The following TRPM5 variants were observed in gnomAD, a reference collection of about 807,000 sequenced individuals.
TRPM5 encodes transient receptor potential cation channel subfamily M member 5.
TRPM5 carries 121 observed loss-of-function variants against 124.9 expected under a neutral mutation model. The ratio of observed to expected loss-of-function variants is 0.97; its 90% CI spans 0.84 to 1.13. The LOEUF (loss-of-function observed/expected upper bound fraction) is 1.13. TRPM5 is among the 50% of genes most tolerant of loss of function. TRPM5 has a pLI of 0.00. For missense variants in TRPM5, 1,643 were observed against 1,589.1 expected (o/e 1.03, Z -0.58); for synonymous variants, 781 against 700.5 (o/e 1.11, Z -1.81).
chr11:2,411,806 G>A, intron 16 of TRPM5, 39 bp from the exon 22 acceptor site: 1 of 1,608,402 alleles, frequency 6.2e-7, no homozygotes, highest in Non-Finnish European at 8.5e-7. Flanking sequence ...GGGGCCCAGA[G>A]AGGGGCAGAG....
At chr11:2,414,728 C>T in exon 11 of TRPM5, 2 of 1,541,636 alleles carry the variant, frequency 1.3e-6, no homozygotes, top group East Asian at 2.5e-5. Flanking sequence ...GGGCCAGCCG[C>T]TCGTATTTCG....
At chr11:2,415,816 C>T in intron 8 of TRPM5, 90 bp downstream of exon 13, 1 of 1,002,192 alleles carries the variant, frequency 1.0e-6, no homozygotes, top group Non-Finnish European at 1.5e-6. Context: ...ACGGGCTCAG[C>T]CAAGCAGCCC....
At chr11:2,420,355 G>C (rs776901960) in exon 4 of TRPM5, 32 of 1,612,822 alleles carry the variant, frequency 2.0e-5, no homozygotes, top group Non-Finnish European at 2.5e-5. Context: ...GTGAACAGAG[G>C]GGGCCCTGGC....
the TRPM5 span, among the ~76,000 whole-genome samples, chr11:2,428,556 T>C: frequency 6.8e-6 from 1 of 147,722 alleles, no homozygotes; most frequent in East Asian, 2.0e-4. The surrounding 1 kb of genome is among the most constrained non-coding windows in gnomAD (Gnocchi z 4.0). Flanking sequence ...TGGCGGTGTT[T>C]GTGATGATGG....
chr11:2,406,823 C>T (rs1382338327), intron 20 of TRPM5, 30 bp from the exon 26 acceptor site: 2 of 1,600,378 alleles, frequency 1.2e-6, no homozygotes, highest in Non-Finnish European at 8.5e-7. Context: ...GCCAGCATTA[C>T]TAGAGCATGT....
chr11:2,427,410 G>A (rs911904929), upstream of TRPM5, among the ~76,000 whole-genome samples: 1 of 152,200 alleles, frequency 6.6e-6, no homozygotes, highest in African/African-American at 2.4e-5. Flanking sequence ...TGTGCCTGTG[G>A]GCCCAACTCT....
chr11:2,406,744 T>G (rs1203617035), exon 21 of TRPM5: 1 of 1,613,592 alleles, frequency 6.2e-7, no homozygotes, highest in Admixed American at 1.7e-5. Context: ...CCTTCTGGAC[T>G]GTCTCCCAGG....
chr11:2,411,411 C>G, exon 18 of TRPM5: 1 of 1,612,114 alleles, frequency 6.2e-7, no homozygotes, highest in East Asian at 2.2e-5. Flanking sequence ...GTAGAGCACC[C>G]GGCGGAAGAT....
At chr11:2,428,433 G>A in the TRPM5 span, among the ~76,000 whole-genome samples, 1 of 152,210 alleles carries the variant, frequency 6.6e-6, no homozygotes, top group Non-Finnish European at 1.5e-5. This position sits in a 1 kb window ranked among gnomAD's most constrained non-coding sequence, Gnocchi z 4.0. Flanking sequence ...GGTGGTAACG[G>A]GTGAAGGTGA....
In TRPM5 at chr11:2,420,204, G is replaced by A; in HGVS notation, c.649+18C>T. On this transcript the variant is annotated intron_variant, in intron 4 of 23. Transcript: ENST00000155858. Reference sequence around the variant, plus strand: ...ACTGGGTCCCAAGGCTTCCCTGGGTGGCTGGGGCGGGTCTCACCCCCGTAG... The same window carrying A: ...ACTGGGTCCCAAGGCTTCCCTGGGTAGCTGGGGCGGGTCTCACCCCCGTAG... The A allele has an allele frequency of 6.4e-7, 1 of 1,574,286 alleles. No homozygotes were observed.
At chr11:2,435,805 C>G in the TRPM5 span, among the ~76,000 whole-genome samples, 11 of 152,234 alleles carry the variant, frequency 7.2e-5, no homozygotes, top group Non-Finnish European at 1.6e-4. This position sits in a 1 kb window ranked among gnomAD's most constrained non-coding sequence, Gnocchi z 4.1. Context: ...GTCTGTCCAT[C>G]ACTTCACCCA....
exon 24 of TRPM5, chr11:2,404,693 C>T (rs1277183642): frequency 5.7e-6 from 3 of 525,822 alleles, no homozygotes; most frequent in Non-Finnish European, 6.8e-6. Flanking sequence ...ACGTTTTCTG[C>T]CCGGGGAGTT....
rs1264735094 is a variant in TRPM5, at chr11:2,413,434, C to A, written c.2003+42G>T. 6 of 1,554,290 alleles carry A rather than the reference C, an allele frequency of 3.9e-6. No individual in the cohort carries two copies. In the South Asian group the frequency reaches 7.0e-5, roughly 18 times the overall value. On this transcript the variant is annotated intron_variant, in intron 13 of 23. Transcript: ENST00000155858. ...CCTCCCCGTAGCTCCGGCACTCGCA[C>A]TGCTGCCTGTCCTGGCCGGGCAGCT...
chr11:2,404,232 C>A (rs1292943815), downstream of TRPM5, among the ~76,000 whole-genome samples: 10 of 152,122 alleles, frequency 6.6e-5, no homozygotes, highest in Non-Finnish European at 1.5e-5. Flanking sequence ...GGTGAGTGGG[C>A]AGTTGGGGGG....
chr11:2,411,294 T>A (rs1224256766), intron 18 of TRPM5, 58 bp downstream of exon 23: 2 of 1,479,002 alleles, frequency 1.4e-6, no homozygotes, highest in Non-Finnish European at 1.8e-6. Flanking sequence ...TGCCCAGGGC[T>A]TGTGCACACA....
chr11:2,435,374 C>T, the TRPM5 span, among the ~76,000 whole-genome samples: 1 of 152,006 alleles, frequency 6.6e-6, no homozygotes, highest in African/African-American at 2.4e-5. This position sits in a 1 kb window ranked among gnomAD's most constrained non-coding sequence, Gnocchi z 4.1. Flanking sequence ...ACTCACCCAC[C>T]CACTCATGCA....
chr11:2,439,357 C>G, the TRPM5 span, among the ~76,000 whole-genome samples: 1 of 152,124 alleles, frequency 6.6e-6, no homozygotes, highest in African/African-American at 2.4e-5. Flanking sequence ...AGCTTCTGCA[C>G]AGCAAAAGAA....
chr11:2,412,381 G>GACCCCTA, intron 15 of TRPM5, 128 bp from the exon 21 acceptor site: 2 of 569,344 alleles, frequency 3.5e-6, no homozygotes, highest in Non-Finnish European at 5.7e-6. Context: ...GCTACCAGTG[G>GACCCCTA]GACTAGGGGT....
At chr11:2,424,952 C>T (rs778159938), upstream of TRPM5, among the ~76,000 whole-genome samples, 18 of 152,216 alleles carry the variant, frequency 1.2e-4, no homozygotes, top group Non-Finnish European at 1.6e-4. Flanking sequence ...CTCAGCACCA[C>T]GTGGGCCTCA....
Sources: gnomAD v4.1 joint callset for allele counts (sites outside exome capture counted in the v4.1 genomes callset) on GRCh38, gnomAD v4.1.1 for gene constraint, Gnocchi (gnomAD v3.1) non-coding constraint, MANE v1.5 for transcripts, NCBI Gene and HGNC (gene_info 2026-07-23, HGNC 2026-07-21) for gene names.